TCF12: variants seen among roughly 807,000 people sequenced by gnomAD.
TCF12 encodes the protein transcription factor 12.
A neutral mutation model predicts 86.0 loss-of-function variants in TCF12; 45 were observed. The observed-to-expected ratio is 0.52, with a 90% CI of 0.41 to 0.67. TCF12 has a LOEUF of 0.67. Ranked by LOEUF, TCF12 falls within the 30% of genes least tolerant of loss-of-function variation. TCF12 has a pLI of 0.00. For missense variants in TCF12, 881 were observed against 859.9 expected (o/e 1.02, Z -0.31); for synonymous variants, 330 against 299.6 (o/e 1.10, Z -1.05).
At chr15:57,094,794 G>A (rs1477973797) in intron 5 of TCF12, among the ~76,000 whole-genome samples, 2 of 152,086 alleles carry the variant, frequency 1.3e-5, no homozygotes, top group South Asian at 2.1e-4. Context: ...AGTGGGGGAG[G>A]GATTGTACAT....
At position 57,018,511 on chromosome 15, in the gene TCF12, G is replaced by A. The variant is rs1455967271; in HGVS notation, c.149-45239G>A. Among the ~76,000 whole-genome samples the A allele has an allele frequency of 3.3e-5, 5 of 151,744 alleles. No individual in the cohort carries two copies. In the East Asian group the frequency reaches 9.7e-4, roughly 30 times the overall value. On this transcript the variant is annotated intron_variant, in intron 3 of 20. Coordinates refer to ENST00000333725, the MANE Select transcript of TCF12 (RefSeq NM_207037.2). ...GGGGCCTAGCTCTATCGCCCAGGCTGGAGTGCAGTGGCAAGATCTCGGCTC... is the reference window on the plus strand; with the variant it reads ...GGGGCCTAGCTCTATCGCCCAGGCTAGAGTGCAGTGGCAAGATCTCGGCTC...
intron 6 of TCF12, among the ~76,000 whole-genome samples, chr15:57,187,450 G>A (rs575316432): frequency 6.6e-6 from 1 of 152,244 alleles, no homozygotes; most frequent in South Asian, 2.1e-4. Flanking sequence ...AGCCACATTA[G>A]AAGAATTATT....
At chr15:57,219,657 T>G in intron 8 of TCF12, 2 of 1,464,538 alleles carry the variant, frequency 1.4e-6, no homozygotes, top group Non-Finnish European at 1.9e-6. Context: ...CATTACTCGC[T>G]TTTTACTAAA....
chr15:57,234,130 C>A lies in TCF12; in HGVS notation c.1035+23C>A. ...TCTGTGAGTATTGATTTTACACATT[C>A]TACTGAATGAATTTTACACTACTGA... On this transcript the variant is annotated intron_variant, in intron 12 of 20. Coordinates refer to ENST00000333725, the MANE Select transcript of TCF12 (RefSeq NM_207037.2). 4 of 1,595,934 alleles carry A rather than the reference C, an allele frequency of 2.5e-6. No individual in the cohort carries two copies. In the South Asian group the frequency reaches 3.3e-5, roughly 13 times the overall value.
intron 5 of TCF12, among the ~76,000 whole-genome samples, chr15:57,147,417 C>A (rs1468855556): frequency 4.6e-5 from 7 of 152,092 alleles, no homozygotes; most frequent in Admixed American, 4.6e-4. Context: ...TACTTCTGAT[C>A]CCCAAATAGT....
intron 15 of TCF12, among the ~76,000 whole-genome samples, chr15:57,252,763 A>T (rs2060176344): frequency 6.6e-6 from 1 of 152,130 alleles, no homozygotes; most frequent in Admixed American, 6.5e-5. Flanking sequence ...GACAGACAAT[A>T]CCATTTATTT....
intron 6 of TCF12, among the ~76,000 whole-genome samples, chr15:57,187,300 G>A (rs1201498435): frequency 6.6e-6 from 1 of 152,120 alleles, no homozygotes; most frequent in Non-Finnish European, 1.5e-5. Context: ...AAAACCCACA[G>A]CTAATATACT....
intron 4 of TCF12, among the ~76,000 whole-genome samples, chr15:57,082,946 G>T (rs2048403266): frequency 6.6e-6 from 1 of 152,062 alleles, no homozygotes. Context: ...ATAAATTGTG[G>T]TATGTTTATA....
At chr15:57,056,329 A>T (rs576381021) in intron 3 of TCF12, among the ~76,000 whole-genome samples, 201 of 151,990 alleles carry the variant, frequency 1.3e-3, no homozygotes, top group African/African-American at 4.7e-3. Context: ...TTCAGTCGAG[A>T]TGGGGTGTCA....
chr15:57,007,853 C>T, intron 3 of TCF12, among the ~76,000 whole-genome samples: 1 of 1,334 alleles, frequency 7.5e-4, no homozygotes, highest in African/African-American at 1.1e-3. Flanking sequence ...TCTTTCCCTC[C>T]CTTCCTTCCT....
intron 5 of TCF12, among the ~76,000 whole-genome samples, chr15:57,131,661 G>C (rs1290114773): frequency 2.0e-5 from 3 of 152,006 alleles, no homozygotes; most frequent in Non-Finnish European, 2.9e-5. Flanking sequence ...TTTGATCTCT[G>C]TTCATCCCTA....
intron 3 of TCF12, among the ~76,000 whole-genome samples, chr15:57,020,622 C>A (rs2065420316): frequency 6.6e-6 from 1 of 152,124 alleles, no homozygotes; most frequent in Non-Finnish European, 1.5e-5. Context: ...GCTAATATAA[C>A]CATCTACTAA....
At chr15:57,193,195 T>G (rs770753480) in intron 7 of TCF12, among the ~76,000 whole-genome samples, 1 of 152,128 alleles carries the variant, frequency 6.6e-6, no homozygotes, top group African/African-American at 2.4e-5. Context: ...AGGATAAAAT[T>G]TTAAGATTTT....
At chr15:57,282,283 GCT>G (rs2061725926) in intron 19 of TCF12, 160 bp from the exon 20 acceptor site, 1 of 749,792 alleles carries the variant, frequency 1.3e-6, no homozygotes, top group African/African-American at 1.8e-5. Flanking sequence ...AAATCTGGAG[GCT>G]CAGTTCAATG....
chr15:57,003,697 G>A (rs542454096), intron 3 of TCF12, among the ~76,000 whole-genome samples: 9 of 152,336 alleles, frequency 5.9e-5, no homozygotes, highest in Admixed American at 5.9e-4. Flanking sequence ...GTCTGCAAAT[G>A]ACTGGAAGAC....
At chr15:57,008,788 G>A (rs1237677856) in intron 3 of TCF12, among the ~76,000 whole-genome samples, 2 of 152,146 alleles carry the variant, frequency 1.3e-5, no homozygotes, top group African/African-American at 4.8e-5. Context: ...TCTAGTGACA[G>A]TATACTTTAA....
chr15:57,007,784 TTCTTTCTCTC>T (rs778331767), intron 3 of TCF12, among the ~76,000 whole-genome samples: 122 of 60,096 alleles, frequency 2.0e-3, no homozygotes, highest in South Asian at 0.013. Context: ...CTTTCTTTCT[TTCTTTCTCTC>T]TTTCTTTCTT....
intron 9 of TCF12, 121 bp from the exon 10 acceptor site, chr15:57,232,170 G>A (rs1487999127): frequency 2.0e-6 from 2 of 1,006,594 alleles, no homozygotes; most frequent in Non-Finnish European, 1.5e-6. Flanking sequence ...GTGGGTAGAA[G>A]ACTAGGTTGG....
In TCF12 at chr15:57,204,557, ATG is replaced by A. The variant is rs2057717305; in HGVS notation, c.579+6735_579+6736del. Among the ~76,000 whole-genome samples the A allele has an allele frequency of 2.0e-5, 3 of 152,322 alleles. No individual in the cohort carries two copies. In the South Asian group the frequency reaches 6.2e-4, roughly 32 times the overall value. ...GTTGGGAATGGCTCTTTTTAAAAAAATGTGAATTTTTAGTCATTTGTTATCGT... is the reference window on the plus strand; with the variant it reads ...GTTGGGAATGGCTCTTTTTAAAAAAATGAATTTTTAGTCATTTGTTATCGT... On this transcript the variant is annotated intron_variant, in intron 8 of 20. Transcript: ENST00000333725.
Sources: gnomAD v4.1 joint callset for allele counts (sites outside exome capture counted in the v4.1 genomes callset) on GRCh38, gnomAD v4.1.1 for gene constraint, MANE v1.5 for transcripts, NCBI Gene and HGNC (gene_info 2026-07-23, HGNC 2026-07-21) for gene names.